The following GSTCD variants were observed in gnomAD, a reference collection of about 807,000 sequenced individuals.
GSTCD encodes the protein glutathione S-transferase C-terminal domain-containing protein.
In GSTCD, 44 loss-of-function variants were observed where a neutral mutation model predicts 68.3. The ratio of observed to expected loss-of-function variants is 0.64; its 90% confidence interval spans 0.51 to 0.83. The LOEUF is 0.83. GSTCD is among the 40% of genes least tolerant of loss of function. GSTCD has a pLI of 0.00. For synonymous variants in GSTCD, 273 were observed against 255.2 expected (o/e 1.07, Z -0.67); for missense variants, 739 against 735.9 (o/e 1.00, Z -0.05).
intron 9 of GSTCD, among the ~76,000 whole-genome samples, chr4:105,836,049 C>A (rs1278980717): frequency 6.6e-6 from 1 of 152,034 alleles, no homozygotes. Context: ...ATCTCTGCAA[C>A]CCTCAGCAGA....
chr4:105,847,273 A>C lies in GSTCD; in HGVS notation c.*1696A>C, dbSNP rs1553968068. On this transcript the variant is annotated 3_prime_UTR_variant, in exon 12 of 12. Coordinates refer to ENST00000515279, the MANE Select transcript of GSTCD (RefSeq NM_001370181.1). Reference sequence around the variant, plus strand: ...TCATTGATCATCACTATGGATTAAAATATAGGAATATTTTACAGGGCAGTA... The same window carrying C: ...TCATTGATCATCACTATGGATTAAACTATAGGAATATTTTACAGGGCAGTA... 6.6e-6 allele frequency: 1 copy of C among 151,402 alleles called. No individual in the cohort carries two copies. Among genetic ancestry groups the C allele is most frequent in the South Asian group, 2.1e-4 (1 of 4,754 alleles). 9.4% of individuals were successfully genotyped at this position (151,402 alleles called of 1,614,324 possible).
At chr4:105,727,964 T>C (rs1442573756) in intron 4 of GSTCD, among the ~76,000 whole-genome samples, 1 of 152,082 alleles carries the variant, frequency 6.6e-6, no homozygotes, top group Non-Finnish European at 1.5e-5. Flanking sequence ...GCTAACAGAG[T>C]TTACTGATTT....
intron 5 of GSTCD, among the ~76,000 whole-genome samples, chr4:105,775,450 CT>C (rs1241142750): frequency 6.6e-6 from 1 of 152,160 alleles, no homozygotes; most frequent in Non-Finnish European, 1.5e-5. Context: ...AATTTATAGG[CT>C]TTTGGCACTG....
rs192389681 is a variant in GSTCD at position 105,733,521 on chromosome 4, A to G, written c.1240+4022A>G. Among the ~76,000 whole-genome samples, 70 of 151,736 alleles carry G rather than the reference A, an allele frequency of 4.6e-4. No homozygotes were observed. The East Asian group carries it at 9.3e-3, about 20-fold the overall frequency. ...ACTAGGATTGCAAACCCTGCCTTCT[A>G]TTGTTTTCTGTTTGCTTGGTAGATC... On this transcript the variant is annotated intron_variant, in intron 5 of 11. Coordinates refer to ENST00000515279, the MANE Select transcript of GSTCD (RefSeq NM_001370181.1).
intron 5 of GSTCD, among the ~76,000 whole-genome samples, chr4:105,732,313 T>G (rs1015711933): frequency 6.6e-6 from 1 of 152,192 alleles, no homozygotes; most frequent in Non-Finnish European, 1.5e-5. Flanking sequence ...TGTGAATCCG[T>G]CTGGTCCTGG....
In GSTCD at chr4:105,839,303, C is replaced by T. The variant is rs535657187; in HGVS notation, c.1695+1414C>T. Among the ~76,000 whole-genome samples the T allele has an allele frequency of 1.1e-4, 16 of 152,294 alleles. No homozygotes were observed. The South Asian group carries it at 3.3e-3, about 32-fold the overall frequency. Reference sequence around the variant, plus strand: ...TTGCATAACATTCAAAACATCTCACCTTTCTTTCACAAGGCTATGTCAATA... The same window carrying T: ...TTGCATAACATTCAAAACATCTCACTTTTCTTTCACAAGGCTATGTCAATA... On this transcript the variant is annotated intron_variant, in intron 10 of 11. Transcript: ENST00000515279.
intron 10 of GSTCD, among the ~76,000 whole-genome samples, chr4:105,840,838 G>A (rs549088906): frequency 2.6e-5 from 4 of 152,240 alleles, no homozygotes; most frequent in Non-Finnish European, 5.9e-5. Context: ...GGCAGAAAGG[G>A]ATACACTTCC....
intron 5 of GSTCD, among the ~76,000 whole-genome samples, chr4:105,802,626 A>T (rs1269754892): frequency 6.6e-6 from 1 of 152,108 alleles, no homozygotes; most frequent in Non-Finnish European, 1.5e-5. Context: ...AACACTGGTT[A>T]TCCATAAGTT....
chr4:105,776,903 C>A (rs1051121384), intron 5 of GSTCD, among the ~76,000 whole-genome samples: 1 of 152,146 alleles, frequency 6.6e-6, no homozygotes, highest in Non-Finnish European at 1.5e-5. Context: ...CCATCCATCT[C>A]TACTATGCTG....
At chr4:105,794,513 G>A (rs1232931511) in intron 5 of GSTCD, among the ~76,000 whole-genome samples, 1 of 151,902 alleles carries the variant, frequency 6.6e-6, no homozygotes, top group Admixed American at 6.6e-5. Context: ...GGGAGCAAGA[G>A]TTAGGTGGAT....
chr4:105,812,876 AG>A lies in GSTCD; in HGVS notation c.1241-10077del, dbSNP rs769776323. Among the ~76,000 whole-genome samples, 12 of 152,182 alleles carry A rather than the reference AG, an allele frequency of 7.9e-5. No homozygotes were observed. In the East Asian group the frequency reaches 2.1e-3, roughly 27 times the overall value. On this transcript the variant is annotated intron_variant, in intron 5 of 11. Transcript: ENST00000515279. ...AATAAATACAGAGGGGAGGCAGCAT[AG>A]TGCATTCTAAAGTAGAAAAAAGTTA... is the stretch of plus-strand genomic sequence containing the variant.
Position 105,726,831 on chromosome 4 carries a change from G to C in GSTCD, c.1146+1G>C, listed in dbSNP as rs1275948886. 6.3e-7 allele frequency: 1 copy of C among 1,585,712 alleles called. No individual in the cohort carries two copies. The highest frequency in any genetic ancestry group is 8.6e-7 in the Non-Finnish European group (1 of 1,167,194). ...AAGACCAACCATGGCCAAGTTAATG[G>C]TACTTAATTATTAACATTTTCTTTG... On this transcript the variant is annotated splice_donor_variant, in intron 4 of 11. Transcript: ENST00000515279. LOFTEE classifies it high-confidence loss of function.
chr4:105,736,678 C>T (rs1733473875), intron 5 of GSTCD, among the ~76,000 whole-genome samples: 1 of 152,026 alleles, frequency 6.6e-6, no homozygotes, highest in African/African-American at 2.4e-5. Flanking sequence ...GCTGTAGAAC[C>T]CAGGAACATA....
In GSTCD at chr4:105,779,407, CAT is replaced by C. The variant is rs1436571975; in HGVS notation, c.1241-43545_1241-43544del. ...CAGGAGGACAACAAAAATAGTAAAA[CAT>C]AAATTTTGGAAATTTGGAAAGAAAC... On this transcript the variant is annotated intron_variant, in intron 5 of 11. Coordinates refer to ENST00000515279, the MANE Select transcript of GSTCD (RefSeq NM_001370181.1). Among the ~76,000 whole-genome samples the C allele has an allele frequency of 6.6e-5, 10 of 152,250 alleles. No individual in the cohort carries two copies. The South Asian group carries it at 1.9e-3, about 28-fold the overall frequency.
intron 5 of GSTCD, among the ~76,000 whole-genome samples, chr4:105,742,332 C>A (rs1733656429): frequency 6.6e-6 from 1 of 151,994 alleles, no homozygotes; most frequent in African/African-American, 2.4e-5. Context: ...TTTCTTCCAG[C>A]CTTGAATATT....
chr4:105,821,343 T>G (rs1027744147), intron 5 of GSTCD: 5 of 151,888 alleles, frequency 3.3e-5, no homozygotes, highest in African/African-American at 1.2e-4. Context: ...TTTTGCTAGA[T>G]GCTTGAAAGT....
At chr4:105,794,748 G>C (rs887458969) in intron 5 of GSTCD, among the ~76,000 whole-genome samples, 2 of 150,646 alleles carry the variant, frequency 1.3e-5, no homozygotes, top group African/African-American at 4.9e-5. Context: ...GGAGTCTTTT[G>C]CATTTCCAAA....
At chr4:105,725,619 G>A (rs1272646462) in intron 3 of GSTCD, among the ~76,000 whole-genome samples, 1 of 151,876 alleles carries the variant, frequency 6.6e-6, no homozygotes, top group East Asian at 1.9e-4. Context: ...TGCCATCTGT[G>A]TATCTTTTTT....
chr4:105,832,193 T>A (rs1170571492), intron 8 of GSTCD, among the ~76,000 whole-genome samples: 1 of 152,184 alleles, frequency 6.6e-6, no homozygotes, highest in African/African-American at 2.4e-5. Flanking sequence ...TATTAAAAAG[T>A]CCATCTTTTC....
Sources: gnomAD v4.1 joint callset for allele counts (sites outside exome capture counted in the v4.1 genomes callset) on GRCh38, gnomAD v4.1.1 for gene constraint, MANE v1.5 for transcripts, NCBI Gene and HGNC (gene_info 2026-07-23, HGNC 2026-07-21) for gene names.